ATXN7: variants seen among roughly 807,000 people sequenced by gnomAD.
ATXN7 encodes ataxin 7.
ATXN7 carries 12 observed loss-of-function variants against 70.5 expected under a neutral mutation model. That is an observed-to-expected ratio of 0.17 (90% CI 0.11 to 0.28). The LOEUF is 0.28. ATXN7 is among the 10% of genes least tolerant of loss of function. The pLI is 1.00. For missense variants in ATXN7, 1,256 were observed against 1,131.7 expected, an observed-to-expected ratio of 1.11 and a Z score of -1.58; for synonymous variants, 498 against 448.7, an observed-to-expected ratio of 1.11 and a Z score of -1.39.
intron 4 of ATXN7, among the ~76,000 whole-genome samples, chr3:63,925,728 G>T (rs1056247973): frequency 2.6e-5 from 4 of 152,196 alleles, no homozygotes; most frequent in African/African-American, 9.7e-5. Context: ...GCAACTTGAG[G>T]TGGAATCCTG....
intron 4 of ATXN7, among the ~76,000 whole-genome samples, chr3:63,933,919 T>C (rs1439246816): frequency 6.9e-6 from 1 of 144,952 alleles, no homozygotes; most frequent in Admixed American, 6.9e-5. Context: ...TTTTCTGTTG[T>C]TTTTTTTTTT....
intron 5 of ATXN7, among the ~76,000 whole-genome samples, chr3:63,961,943 G>C (rs181949119): frequency 1.3e-5 from 2 of 152,024 alleles, no homozygotes; most frequent in Non-Finnish European, 2.9e-5. Flanking sequence ...TAATTTGTAC[G>C]ATGACTAAGA....
intron 4 of ATXN7, among the ~76,000 whole-genome samples, chr3:63,947,415 G>A (rs1457578005): frequency 6.6e-6 from 1 of 152,032 alleles, no homozygotes; most frequent in East Asian, 1.9e-4. Flanking sequence ...TGAGACCCCT[G>A]TCTCTACAAA....
chr3:63,921,602 T>C (rs1314934598), intron 4 of ATXN7, among the ~76,000 whole-genome samples: 1 of 152,216 alleles, frequency 6.6e-6, no homozygotes, highest in Non-Finnish European at 1.5e-5. Flanking sequence ...TGTTTCTGTG[T>C]GCTCTTGGTT....
At chr3:63,963,789 C>G (rs1383207358) in intron 5 of ATXN7, among the ~76,000 whole-genome samples, 1 of 152,104 alleles carries the variant, frequency 6.6e-6, no homozygotes, top group Non-Finnish European at 1.5e-5. Flanking sequence ...TGCTTTTTGT[C>G]TGTGTGAACC....
chr3:63,996,123 G>A lies in ATXN7; in HGVS notation c.2301G>A (p.Ala767=), dbSNP rs199676165. 4.2e-3 allele frequency: 6,717 copies of A among 1,614,144 alleles called. 16 individuals carry two copies. Among genetic ancestry groups the A allele is most frequent in the Non-Finnish European group, 5.1e-3 (6,041 of 1,180,034 alleles). ...ACTGTGTGACGAATAAAGCAAATGC[G>A]GTGAACGTCCGGCATGACCAGTCAG... ...GLNCVTNKAN[A]VNVRHDQSGR... is the part of the protein sequence containing the mutation. Residue 767 remains alanine (A), a synonymous_variant, in exon 12 of 13, where the codon GCG becomes GCA. Transcript: ENST00000674280.
chr3:63,867,677 C>A (rs1181422543), intron 1 of ATXN7, among the ~76,000 whole-genome samples: 1 of 151,972 alleles, frequency 6.6e-6, no homozygotes, highest in African/African-American at 2.4e-5. Flanking sequence ...CATTTGAGGT[C>A]AGAAATTCAA....
At chr3:63,959,568 T>A (rs2075091401) in intron 5 of ATXN7, among the ~76,000 whole-genome samples, 1 of 152,236 alleles carries the variant, frequency 6.6e-6, no homozygotes, top group Admixed American at 6.5e-5. Context: ...TGACATACAG[T>A]GTATTCATTT....
intron 5 of ATXN7, among the ~76,000 whole-genome samples, chr3:63,958,471 T>C (rs1390524169): frequency 2.0e-5 from 3 of 152,204 alleles, no homozygotes; most frequent in African/African-American, 7.2e-5. Context: ...ACAACATTTC[T>C]CATAGTTCTG....
chr3:63,939,891 A>G (rs1419369532), intron 4 of ATXN7, among the ~76,000 whole-genome samples: 3 of 152,072 alleles, frequency 2.0e-5, no homozygotes, highest in African/African-American at 7.2e-5. Flanking sequence ...AGCTCCCTGA[A>G]AAGCCCCATT....
intron 4 of ATXN7, among the ~76,000 whole-genome samples, chr3:63,939,365 T>G (rs17069509): frequency 0.018 from 2,795 of 152,286 alleles, 96 homozygotes; most frequent in African/African-American, 0.062. Flanking sequence ...TCTTTCACCC[T>G]GTACTGCTGC....
intron 12 of ATXN7, chr3:63,997,774 A>G: frequency 6.6e-7 from 1 of 1,509,612 alleles, no homozygotes; most frequent in Non-Finnish European, 8.8e-7. Flanking sequence ...TTTTTCAGAA[A>G]ATACCAAGAA....
intron 4 of ATXN7, among the ~76,000 whole-genome samples, chr3:63,939,699 G>C (rs1025784617): frequency 2.6e-5 from 4 of 152,156 alleles, no homozygotes; most frequent in Admixed American, 2.0e-4. Flanking sequence ...GAATTCTATA[G>C]TGTTTTAACT....
At chr3:63,903,871 A>G (rs891501569) in intron 2 of ATXN7, 1 of 152,230 alleles carries the variant, frequency 6.6e-6, no homozygotes, top group Non-Finnish European at 1.5e-5. Flanking sequence ...AGATAAGTCA[A>G]TCTGGAATTT....
chr3:63,907,801 G>A (rs6806547), intron 2 of ATXN7, among the ~76,000 whole-genome samples: 1 of 151,968 alleles, frequency 6.6e-6, no homozygotes, highest in South Asian at 2.1e-4. Flanking sequence ...TTCCTCAGCC[G>A]AAAGACTTTA....
intron 5 of ATXN7, among the ~76,000 whole-genome samples, chr3:63,961,194 TA>T (rs927359691): frequency 1.1e-3 from 163 of 151,948 alleles, no homozygotes; most frequent in African/African-American, 3.8e-3. Context: ...TCCCCTCACA[TA>T]AAAAAAAGTA....
chr3:63,967,788 T>TAGTACTTATGTA, intron 5 of ATXN7: 1 of 1,483,768 alleles, frequency 6.7e-7, no homozygotes, highest in Non-Finnish European at 9.0e-7. Flanking sequence ...AAGTGCTTTT[T>TAGTACTTATGTA]ACAGTAGTAG....
chr3:63,872,202 T>C (rs1702616254), intron 1 of ATXN7, among the ~76,000 whole-genome samples: 2 of 152,242 alleles, frequency 1.3e-5, no homozygotes, highest in African/African-American at 4.8e-5. Flanking sequence ...TAGGAAACTT[T>C]AGGACGTGAA....
Position 63,996,471 on chromosome 3 carries a change from C to T in ATXN7, c.2649C>T (p.Ser883=). ...GGGCACAAGGACTGATGAACAGTTC[C>T]CTCCTTCATCAGGTAGGAAATGGAC... ...IPGAQGLMNS[S]LLHQPKARP is the part of the protein sequence containing the mutation. Residue 883 remains serine (S), a synonymous_variant, in exon 12 of 13, where the codon TCC becomes TCT. Coordinates refer to ENST00000674280, the MANE Select transcript of ATXN7 (RefSeq NM_001377405.1). 1 of 1,613,986 alleles carries T rather than the reference C, an allele frequency of 6.2e-7. No individual in the cohort carries two copies.
Sources: gnomAD v4.1 joint callset for allele counts (sites outside exome capture counted in the v4.1 genomes callset) on GRCh38, gnomAD v4.1.1 for gene constraint, MANE v1.5 for transcripts, NCBI Gene and HGNC (gene_info 2026-07-23, HGNC 2026-07-21) for gene names.